MYO3A: variants seen among roughly 807,000 people sequenced by gnomAD.
MYO3A encodes myosin-IIIa.
Under a neutral mutation model 192.7 loss-of-function variants are expected in MYO3A, and 180 were observed. That is an observed-to-expected ratio of 0.93 (90% CI 0.83 to 1.06). The LOEUF (loss-of-function observed/expected upper bound fraction) is 1.06. MYO3A is among the 50% of genes least tolerant of loss of function. The pLI is 0.00. For synonymous variants in MYO3A, 628 were observed against 645.3 expected (o/e 0.97, Z 0.41); for missense variants, 1,896 against 1,905.0 (o/e 1.00, Z 0.09).
chr10:26,030,491 C>T (rs753748937), intron 10 of MYO3A, among the ~76,000 whole-genome samples: 5 of 152,058 alleles, frequency 3.3e-5, no homozygotes, highest in Non-Finnish European at 5.9e-5. Flanking sequence ...CACACTAGTC[C>T]CAAAGTGTGA....
At chr10:26,009,912 AG>A (rs887981956) in intron 6 of MYO3A, among the ~76,000 whole-genome samples, 10 of 152,196 alleles carry the variant, frequency 6.6e-5, no homozygotes, top group African/African-American at 2.4e-4. Flanking sequence ...TGGGGCAAAA[AG>A]GAAATGGAAA....
chr10:26,096,196 T>C (rs1245510200), intron 15 of MYO3A, among the ~76,000 whole-genome samples, 185 bp from the exon 16 acceptor site: 1 of 152,188 alleles, frequency 6.6e-6, no homozygotes, highest in African/African-American at 2.4e-5. Context: ...AGATAATTTC[T>C]GGAATTTAAT....
In MYO3A at chr10:26,026,283, ACT is replaced by A. The variant is rs1842537828; in HGVS notation, c.798-90_798-89del. On this transcript the variant is annotated intron_variant, in intron 9 of 34. Transcript: ENST00000642920. ...GGGCTGAGCATTTATGAGGAGCATC[ACT>A]CTCGTGTGTTAGATTAATTTTTAGG... The A allele has an allele frequency of 2.8e-6, 4 of 1,423,944 alleles. No individual in the cohort carries two copies. The African/African-American group carries it at 4.3e-5, about 15-fold the overall frequency. 88.2% of individuals were successfully genotyped at this position (1,423,944 alleles called of 1,614,324 possible). A position where few individuals can be genotyped will look rare whatever the true frequency, so the allele number is the denominator to read the frequency against.
At chr10:25,982,846 G>A (rs1481308372) in intron 4 of MYO3A, among the ~76,000 whole-genome samples, 1 of 152,028 alleles carries the variant, frequency 6.6e-6, no homozygotes, top group African/African-American at 2.4e-5. Context: ...AAATGAGAAG[G>A]AACCAGAAAA....
chr10:25,957,697 T>G (rs1487537439), intron 4 of MYO3A, among the ~76,000 whole-genome samples: 2 of 152,220 alleles, frequency 1.3e-5, no homozygotes, highest in Non-Finnish European at 2.9e-5. Context: ...TAAACTAATT[T>G]ACAATCTCAC....
At chr10:25,980,037 C>G (rs1249302665) in intron 4 of MYO3A, among the ~76,000 whole-genome samples, 1 of 152,080 alleles carries the variant, frequency 6.6e-6, no homozygotes, top group African/African-American at 2.4e-5. Context: ...GAGATTGAGA[C>G]CATCCTGGAT....
At chr10:26,116,667 G>A (rs1411216233) in intron 17 of MYO3A, among the ~76,000 whole-genome samples, 2 of 152,086 alleles carry the variant, frequency 1.3e-5, no homozygotes, top group African/African-American at 4.8e-5. Flanking sequence ...ATTCTTTGGG[G>A]ACAAAGCATT....
At chr10:26,012,934 C>T (rs1262643929) in intron 6 of MYO3A, among the ~76,000 whole-genome samples, 1 of 152,104 alleles carries the variant, frequency 6.6e-6, no homozygotes, top group Admixed American at 6.6e-5. Flanking sequence ...GGCACATAGA[C>T]CAATGGAACA....
intron 4 of MYO3A, among the ~76,000 whole-genome samples, chr10:25,994,259 A>G (rs543733464): frequency 4.9e-4 from 75 of 152,154 alleles, no homozygotes; most frequent in African/African-American, 1.8e-3. Context: ...TCCCTTTACC[A>G]TTATGTAATG....
chr10:26,108,480 C>A (rs200758105), intron 17 of MYO3A, among the ~76,000 whole-genome samples: 1 of 152,066 alleles, frequency 6.6e-6, no homozygotes, highest in South Asian at 2.1e-4. Context: ...TGCTAATAGA[C>A]GTGAAACTTT....
chr10:25,941,104 G>A (rs1836459267), intron 2 of MYO3A, among the ~76,000 whole-genome samples: 1 of 152,200 alleles, frequency 6.6e-6, no homozygotes, highest in Non-Finnish European at 1.5e-5. Flanking sequence ...TTAATATGGA[G>A]AATTAGTGAC....
At chr10:25,979,531 A>G (rs1839180799) in intron 4 of MYO3A, among the ~76,000 whole-genome samples, 1 of 151,924 alleles carries the variant, frequency 6.6e-6, no homozygotes, top group Non-Finnish European at 1.5e-5. Context: ...AAGGAAACAT[A>G]CCAAAACAAT....
intron 4 of MYO3A, among the ~76,000 whole-genome samples, chr10:25,963,488 ATAACATG>A (rs759492845): frequency 3.2e-4 from 49 of 152,318 alleles, no homozygotes; most frequent in Non-Finnish European, 5.6e-4. Context: ...GCCCTGGAGG[ATAACATG>A]TACACAGAAG....
intron 17 of MYO3A, among the ~76,000 whole-genome samples, chr10:26,101,820 G>A (rs1433179395): frequency 2.0e-5 from 3 of 152,160 alleles, no homozygotes; most frequent in South Asian, 2.1e-4. Flanking sequence ...CTCTCTGGCT[G>A]CCCTTAATAT....
intron 20 of MYO3A, among the ~76,000 whole-genome samples, chr10:26,129,508 G>A (rs540711874): frequency 1.3e-5 from 2 of 152,150 alleles, no homozygotes; most frequent in Non-Finnish European, 2.9e-5. Context: ...AAAGCAAACA[G>A]AATAAAAAAC....
chr10:26,077,599 C>T (rs897261806), intron 14 of MYO3A, among the ~76,000 whole-genome samples: 1 of 151,924 alleles, frequency 6.6e-6, no homozygotes, highest in Non-Finnish European at 1.5e-5. Flanking sequence ...ATGCTTTCAA[C>T]TTTTCCTCAT....
At chr10:26,191,722 A>G (rs1374350558) in intron 31 of MYO3A, among the ~76,000 whole-genome samples, 1 of 152,234 alleles carries the variant, frequency 6.6e-6, no homozygotes, top group Non-Finnish European at 1.5e-5. Context: ...TGGGCTGGTC[A>G]GGGAACTAGA....
chr10:26,012,673 A>G (rs1412848600), intron 6 of MYO3A, among the ~76,000 whole-genome samples: 3 of 152,118 alleles, frequency 2.0e-5, no homozygotes, highest in African/African-American at 2.4e-5. Context: ...GCCTGAAGCA[A>G]TCTACACATT....
intron 4 of MYO3A, among the ~76,000 whole-genome samples, chr10:25,979,963 G>T (rs1227001609): frequency 6.6e-6 from 1 of 152,148 alleles, no homozygotes; most frequent in African/African-American, 2.4e-5. Context: ...AAGGCCGGGC[G>T]CAATGGCTCA....
Sources: gnomAD v4.1 joint callset for allele counts (sites outside exome capture counted in the v4.1 genomes callset) on GRCh38, gnomAD v4.1.1 for gene constraint, MANE v1.5 for transcripts, NCBI Gene and HGNC (gene_info 2026-07-23, HGNC 2026-07-21) for gene names.